Variants in LRP6 observed in about 807,000 individuals in gnomAD.
LRP6 encodes the protein LDL receptor related protein 6.
A neutral mutation model predicts 184.1 loss-of-function variants in LRP6; 43 were observed. The observed-to-expected ratio is 0.23, with a 90% confidence interval of 0.18 to 0.30. The LOEUF (loss-of-function observed/expected upper bound fraction) is 0.30. LRP6 is among the 10% of genes least tolerant of loss of function. The pLI, the probability that LRP6 is intolerant of heterozygous loss-of-function variation, is 1.00. For synonymous variants in LRP6, 719 were observed against 684.9 expected (o/e 1.05, Z -0.78); for missense variants, 1,571 against 2,005.3 (o/e 0.78, Z 4.14).
At chr12:12,125,533 T>G (rs12424332) in intron 20 of LRP6, 101 bp from the exon 21 acceptor site, 2 of 1,040,572 alleles carry the variant, frequency 1.9e-6, no homozygotes, top group East Asian at 2.6e-5. Flanking sequence ...AACAGTGAAG[T>G]AGTCTGATTT....
At position 12,187,192 on chromosome 12, in the gene LRP6, T is replaced by C. The variant is rs1256684821; in HGVS notation, c.648-73A>G. 4.8e-6 allele frequency: 6 copies of C among 1,256,596 alleles called. No homozygotes were observed. In the African/African-American group the frequency reaches 6.0e-5, roughly 12 times the overall value. The allele number at this position is 1,256,596 out of a possible 1,614,324, so 77.8% of individuals were successfully genotyped here. On this transcript the variant is annotated intron_variant, in intron 3 of 22. Transcript: ENST00000261349. ...TTCTATCATAACGTCACCTCTCCCA[T>C]TAAAATGATCTTAGTTCACATTAAC...
At chr12:12,140,571 G>C (rs1949914836) in intron 15 of LRP6, among the ~76,000 whole-genome samples, 1 of 151,578 alleles carries the variant, frequency 6.6e-6, no homozygotes, top group Non-Finnish European at 1.5e-5. Flanking sequence ...GGAAGGGAAG[G>C]GGAAGGGAAA....
At chr12:12,128,878 C>G (rs998152092) in intron 19 of LRP6, among the ~76,000 whole-genome samples, 22 of 152,094 alleles carry the variant, frequency 1.4e-4, no homozygotes, top group Non-Finnish European at 2.8e-4. Context: ...CCTCTTTATT[C>G]TACTTCTGAA....
chr12:12,245,371 G>A (rs1865158992), intron 1 of LRP6, among the ~76,000 whole-genome samples: 1 of 152,022 alleles, frequency 6.6e-6, no homozygotes, highest in Non-Finnish European at 1.5e-5. Context: ...TTTACAAAAG[G>A]CAAACTTTTG....
chr12:12,132,517 T>A (rs1949773666), intron 17 of LRP6, among the ~76,000 whole-genome samples: 1 of 152,182 alleles, frequency 6.6e-6, no homozygotes, highest in Non-Finnish European at 1.5e-5. Flanking sequence ...AACATTAAGA[T>A]GTCATTGCTT....
chr12:12,164,448 G>A lies in LRP6; in HGVS notation c.1877C>T (p.Thr626Ile). 1 of 1,614,178 alleles carries A rather than the reference G, an allele frequency of 6.2e-7. No individual in the cohort carries two copies. Among genetic ancestry groups the A allele is most frequent in the Non-Finnish European group, 8.5e-7 (1 of 1,180,022 alleles). ...AAGGAAAGCCTCTGGGACAATGCAG[G>A]TCTTCATGTCACTGATGAGTTCAAA... ...IGFELISDMK[T>I]CIVPEAFLLF... is the part of the protein sequence containing the mutation. The change falls in exon 9 of 23, where the codon ACC becomes ATC. Residue 626 changes from threonine (T) to isoleucine (I), a missense_variant. Thr to Ile is a moderately conservative substitution (Grantham distance 89). Coordinates refer to ENST00000261349, the MANE Select transcript of LRP6 (RefSeq NM_002336.3).
At position 12,135,281 on chromosome 12, in the gene LRP6, C is replaced by T. The variant is rs1949818611; in HGVS notation, c.3627G>A (p.Gln1209=). ...AAATATGTGAACAGCCACCATTATC[C>T]TGAGCACAAGGGTGCTGTCCTGCAA... ...LQEYRQHPCA[Q]DNGGCSHICL... is the part of the protein sequence containing the mutation. The change falls in exon 17 of 23, where the codon CAG becomes CAA. Residue 1209 remains glutamine (Q), a synonymous_variant. Coordinates refer to ENST00000261349, the MANE Select transcript of LRP6 (RefSeq NM_002336.3). The T allele has an allele frequency of 6.2e-7, 1 of 1,613,064 alleles. No homozygotes were observed. Among genetic ancestry groups the T allele is most frequent in the African/African-American group, 1.3e-5 (1 of 74,588 alleles).
Position 12,232,152 on chromosome 12 carries a change from G to A in LRP6, c.449+12110C>T, listed in dbSNP as rs567071609. Reference sequence around the variant, plus strand: ...TAATCCCAGCACTTTAGGAGACCAAGGTGGGCAGATCACGAGGTCAGGAGA... The same window carrying A: ...TAATCCCAGCACTTTAGGAGACCAAAGTGGGCAGATCACGAGGTCAGGAGA... On this transcript the variant is annotated intron_variant, in intron 2 of 22. Transcript: ENST00000261349. Among the ~76,000 whole-genome samples the A allele has an allele frequency of 1.4e-3, 216 of 152,122 alleles. 1 individual carries two copies. Among genetic ancestry groups the A allele is most frequent in the African/African-American group, 5.1e-3 (210 of 41,480 alleles).
At chr12:12,193,515 A>C (rs1222452056) in intron 3 of LRP6, among the ~76,000 whole-genome samples, 1 of 151,866 alleles carries the variant, frequency 6.6e-6, no homozygotes, top group Non-Finnish European at 1.5e-5. Flanking sequence ...AAAAAGACGC[A>C]AATTGTGAAA....
At chr12:12,229,846 T>C (rs1273551773) in intron 2 of LRP6, among the ~76,000 whole-genome samples, 1 of 152,232 alleles carries the variant, frequency 6.6e-6, no homozygotes, top group Non-Finnish European at 1.5e-5. Context: ...TGGCCTCTAA[T>C]TTATTTTGGC....
At chr12:12,131,622 A>C (rs1258797766) in intron 18 of LRP6, among the ~76,000 whole-genome samples, 199 bp downstream of exon 18, 1 of 152,208 alleles carries the variant, frequency 6.6e-6, no homozygotes, top group Non-Finnish European at 1.5e-5. Flanking sequence ...TCAATTTTCA[A>C]AGCTTATTAA....
chr12:12,240,984 A>G (rs1249147324), intron 2 of LRP6, among the ~76,000 whole-genome samples: 6 of 151,890 alleles, frequency 4.0e-5, no homozygotes, highest in Non-Finnish European at 1.5e-5. Context: ...TATCATAAGG[A>G]AAAAAAAATC....
At chr12:12,249,378 A>T in intron 1 of LRP6, 1 of 998,722 alleles carries the variant, frequency 1.0e-6, no homozygotes, top group Non-Finnish European at 1.6e-6. Flanking sequence ...ATGGTGTCTA[A>T]AGAAAATATG....
At chr12:12,154,225 T>C (rs958752198) in intron 12 of LRP6, among the ~76,000 whole-genome samples, 2 of 149,736 alleles carry the variant, frequency 1.3e-5, no homozygotes, top group African/African-American at 4.9e-5. Flanking sequence ...CCCAAGACCT[T>C]TTGCATTTAC....
intron 3 of LRP6, among the ~76,000 whole-genome samples, chr12:12,189,039 A>G (rs1863548652): frequency 6.6e-6 from 1 of 152,248 alleles, no homozygotes; most frequent in South Asian, 2.1e-4. Context: ...GGCTTCAAAA[A>G]GTTTTGTATA....
chr12:12,230,287 A>C (rs1864749222), intron 2 of LRP6, among the ~76,000 whole-genome samples: 1 of 152,208 alleles, frequency 6.6e-6, no homozygotes, highest in Non-Finnish European at 1.5e-5. Flanking sequence ...TTTTATTACA[A>C]TCCAAAGCAT....
At chr12:12,253,354 C>T (rs557888452) in intron 1 of LRP6, among the ~76,000 whole-genome samples, 105 of 152,236 alleles carry the variant, frequency 6.9e-4, no homozygotes, top group African/African-American at 2.3e-3. Context: ...TCGCATGCCA[C>T]AAAAATCAAA....
At chr12:12,252,568 T>A (rs1467544113) in intron 1 of LRP6, among the ~76,000 whole-genome samples, 2 of 152,198 alleles carry the variant, frequency 1.3e-5, no homozygotes, top group African/African-American at 2.4e-5. Context: ...ATTGTCCATG[T>A]CTATTAATCA....
At chr12:12,198,153 G>A (rs1193325688) in intron 3 of LRP6, among the ~76,000 whole-genome samples, 1 of 152,182 alleles carries the variant, frequency 6.6e-6, no homozygotes, top group African/African-American at 2.4e-5. Flanking sequence ...CTGACTTCAG[G>A]CGATCCACCC....
Sources: gnomAD v4.1 joint callset for allele counts (sites outside exome capture counted in the v4.1 genomes callset) on GRCh38, gnomAD v4.1.1 for gene constraint, MANE v1.5 for transcripts, NCBI Gene and HGNC (gene_info 2026-07-23, HGNC 2026-07-21) for gene names.